The following HMGB1 variants were observed in gnomAD, a reference collection of about 807,000 sequenced individuals.
HMGB1 encodes high mobility group box 1.
For missense variants in HMGB1, 79 were observed against 253.5 expected (o/e 0.31, Z 4.67); for synonymous variants, 81 against 84.0 (o/e 0.96, Z 0.19).
chr13:30,607,318 C>G (rs978601718), intron 1 of HMGB1, among the ~76,000 whole-genome samples: 97 of 152,328 alleles, frequency 6.4e-4, no homozygotes, highest in Non-Finnish European at 1.2e-4. Flanking sequence ...GTAATCCCCA[C>G]GTGTCAAAGG....
Position 30,476,118 on chromosome 13 carries a change from C to CTTTT in HMGB1, c.-14-12428_-14-12425dup, listed in dbSNP as rs71093065. Among the ~76,000 whole-genome samples the CTTTT allele has an allele frequency of 1.5e-3, 161 of 109,430 alleles. 1 individual carries two copies. The highest frequency in any genetic ancestry group is 5.7e-3 in the Middle Eastern group (1 of 176). The allele number at this position is 109,430 out of a possible 152,430, so 71.8% of individuals were successfully genotyped here. ...GTTGTGATATCGCAGGTGGCATGTACTTTTTTTTTTTTTTTTTTTTTGAGA... is the reference window on the plus strand; with the variant it reads ...GTTGTGATATCGCAGGTGGCATGTACTTTTTTTTTTTTTTTTTTTTTTTTTGAGA... On this transcript the variant is annotated intron_variant, in intron 1 of 4. Coordinates refer to the HMGB1 transcript ENST00000405805.
chr13:30,493,665 G>A (rs959445532), intron 1 of HMGB1, among the ~76,000 whole-genome samples: 6 of 152,256 alleles, frequency 3.9e-5, no homozygotes, highest in East Asian at 1.9e-4. Context: ...CAGGCGAGGC[G>A]CACACGCCTG....
At chr13:30,593,150 T>TA in intron 1 of HMGB1, among the ~76,000 whole-genome samples, 1 of 152,330 alleles carries the variant, frequency 6.6e-6, no homozygotes, top group East Asian at 1.9e-4. Flanking sequence ...ATGTGACTCT[T>TA]ACAGGAGCAG....
chr13:30,583,961 C>T (rs2137545542), intron 1 of HMGB1, among the ~76,000 whole-genome samples: 1 of 151,582 alleles, frequency 6.6e-6, no homozygotes, highest in East Asian at 1.9e-4. Flanking sequence ...GCTATGACAG[C>T]ACCACGGTGC....
rs1265355118 is a variant in HMGB1, at chr13:30,559,442, CA to C, written c.-15+57228del. Among the ~76,000 whole-genome samples the C allele has an allele frequency of 6.6e-6, 1 of 152,118 alleles. No homozygotes were observed. The highest frequency in any genetic ancestry group is 1.9e-4 in the East Asian group (1 of 5,196). ...TGGGCAGTGAATTTAAATAACCTGTCAAAAGAATGAAGTGATGGAAGCCAGA... is the reference window on the plus strand; with the variant it reads ...TGGGCAGTGAATTTAAATAACCTGTCAAAGAATGAAGTGATGGAAGCCAGA... On this transcript the variant is annotated intron_variant, in intron 1 of 4. Coordinates refer to the HMGB1 transcript ENST00000405805. This position sits in a 1 kb window ranked among gnomAD's most constrained non-coding sequence, Gnocchi z 6.6.
At chr13:30,594,065 T>C (rs1031582691) in intron 1 of HMGB1, among the ~76,000 whole-genome samples, 4 of 152,218 alleles carry the variant, frequency 2.6e-5, no homozygotes, top group Non-Finnish European at 5.9e-5. Flanking sequence ...TGTATGTAAG[T>C]TACCCTTAAA....
intron 1 of HMGB1, among the ~76,000 whole-genome samples, chr13:30,511,302 G>C (rs991755666): frequency 2.0e-4 from 31 of 152,172 alleles, no homozygotes; most frequent in Non-Finnish European, 8.8e-5. Flanking sequence ...GGGCCTGGTG[G>C]GAGGTGTTTG....
At chr13:30,581,695 CA>C (rs1199664094) in intron 1 of HMGB1, among the ~76,000 whole-genome samples, 2 of 152,170 alleles carry the variant, frequency 1.3e-5, no homozygotes, top group Non-Finnish European at 2.9e-5. Context: ...GGTTCCCAAT[CA>C]GGACTCTTGC....
intron 4 of HMGB1, among the ~76,000 whole-genome samples, chr13:30,462,098 G>A (rs939326232): frequency 3.3e-5 from 5 of 152,254 alleles, no homozygotes; most frequent in African/African-American, 9.6e-5. Flanking sequence ...ACTGGACAGA[G>A]CAGCAGACTT....
chr13:30,558,351 A>G (rs1475132438), intron 1 of HMGB1, among the ~76,000 whole-genome samples: 5 of 152,238 alleles, frequency 3.3e-5, no homozygotes, highest in Non-Finnish European at 5.9e-5. Context: ...TTCACTTGGC[A>G]AAAGTGAACA....
Position 30,559,156 on chromosome 13 carries a change from G to A in HMGB1, c.-15+57515C>T, listed in dbSNP as rs1205029817. Among the ~76,000 whole-genome samples, 1 of 152,140 alleles carries A rather than the reference G, an allele frequency of 6.6e-6. No homozygotes were observed. Among genetic ancestry groups the A allele is most frequent in the Non-Finnish European group, 1.5e-5 (1 of 68,022 alleles). On this transcript the variant is annotated intron_variant, in intron 1 of 4. Transcript: ENST00000405805. The surrounding 1 kb of genome is among the most constrained non-coding windows in gnomAD (Gnocchi z 6.6). The stretch of plus-strand genomic sequence containing the variant: ...CATTGCCAAATGTACCTGGGGTGGG[G>A]GGTGCGGGTGGAGGAAAAATTGCCC...
intron 1 of HMGB1, among the ~76,000 whole-genome samples, chr13:30,586,367 A>G (rs912908782): frequency 6.6e-6 from 1 of 152,216 alleles, no homozygotes. Context: ...AACATTAACA[A>G]AGACTGAACC....
chr13:30,563,333 G>A (rs1870043048), intron 1 of HMGB1, among the ~76,000 whole-genome samples: 1 of 152,198 alleles, frequency 6.6e-6, no homozygotes, highest in Non-Finnish European at 1.5e-5. Context: ...CTGTGGCTGG[G>A]CGCAGTGGCT....
chr13:30,463,945 T>C (rs546015430), intron 1 of HMGB1: 8 of 381,394 alleles, frequency 2.1e-5, no homozygotes, highest in Non-Finnish European at 3.4e-5. Context: ...GATATACCCA[T>C]ACAGTATTCC....
rs1869603436 is a variant in HMGB1, at chr13:30,554,786, A to G, written c.-15+61885T>C. 3 of 766,518 alleles carry G rather than the reference A, an allele frequency of 3.9e-6. No homozygotes were observed. The Admixed American group carries it at 5.1e-5, about 13-fold the overall frequency. 47.5% of individuals were successfully genotyped at this position (766,518 alleles called of 1,614,324 possible). A position where few individuals can be genotyped will look rare whatever the true frequency, so the allele number is the denominator to read the frequency against. ...TGAAACAGAGGCTAAATGAGAACGA[A>G]CAAAAAAGAAAAAGGCCAAGATAGA... On this transcript the variant is annotated intron_variant, in intron 1 of 4. Transcript: ENST00000405805.
At chr13:30,603,486 T>C (rs778276072) in intron 1 of HMGB1, among the ~76,000 whole-genome samples, 5 of 152,216 alleles carry the variant, frequency 3.3e-5, no homozygotes, top group Non-Finnish European at 2.9e-5. Flanking sequence ...TTGTAGAATC[T>C]CTGAGGTTAT....
intron 1 of HMGB1, among the ~76,000 whole-genome samples, chr13:30,613,948 C>T (rs1367530680): frequency 1.3e-5 from 2 of 150,290 alleles, no homozygotes; most frequent in Admixed American, 6.6e-5. Context: ...AATAATGGTA[C>T]ATTATAAAAT....
intron 1 of HMGB1, among the ~76,000 whole-genome samples, chr13:30,510,988 G>T (rs138715690): frequency 3.7e-4 from 56 of 152,190 alleles, no homozygotes; most frequent in African/African-American, 1.3e-3. Flanking sequence ...TTTACAAGTT[G>T]CTCATTCTTT....
chr13:30,509,246 C>CTTTTTT (rs577983392), intron 1 of HMGB1, among the ~76,000 whole-genome samples: 14 of 143,000 alleles, frequency 9.8e-5, no homozygotes, highest in Admixed American at 1.4e-4. Flanking sequence ...CACCAATATT[C>CTTTTTT]TTTTTTTTTT....
Sources: allele counts gnomAD v4.1 joint callset (sites outside exome capture counted in the v4.1 genomes callset), GRCh38; gene constraint gnomAD v4.1.1; non-coding constraint Gnocchi (gnomAD v3.1); transcripts MANE v1.5; gene names NCBI Gene and HGNC (gene_info 2026-07-23, HGNC 2026-07-21).